PLCXD3: variants seen among roughly 807,000 people sequenced by gnomAD.
PLCXD3 encodes phosphatidylinositol specific phospholipase C X domain containing 3.
A neutral mutation model predicts 25.5 loss-of-function variants in PLCXD3; 19 were observed. The ratio of observed to expected loss-of-function variants is 0.75; its 90% CI spans 0.52 to 1.09. The LOEUF is 1.09. Among genes scored for constraint, PLCXD3 ranks in the 50% least tolerant of loss-of-function variants. PLCXD3 has a pLI of 0.00. For missense variants in PLCXD3, 411 were observed against 388.1 expected (o/e 1.06, Z -0.50); for synonymous variants, 174 against 137.6 (o/e 1.26, Z -1.85).
At chr5:41,374,612 CAG>C (rs144618521) in intron 2 of PLCXD3, among the ~76,000 whole-genome samples, 2 of 151,766 alleles carry the variant, frequency 1.3e-5, no homozygotes, top group South Asian at 2.1e-4. Flanking sequence ...CAGGGAGTGA[CAG>C]AGAGAGAGAG....
At chr5:41,421,264 A>C (rs1396259056) in intron 1 of PLCXD3, among the ~76,000 whole-genome samples, 1 of 152,222 alleles carries the variant, frequency 6.6e-6, no homozygotes, top group Non-Finnish European at 1.5e-5. Context: ...TACATTATTC[A>C]ATCCCTAATT....
intron 1 of PLCXD3, among the ~76,000 whole-genome samples, chr5:41,489,052 T>C (rs1748587486): frequency 6.6e-6 from 1 of 152,232 alleles, no homozygotes; most frequent in African/African-American, 2.4e-5. Flanking sequence ...CTAGGGTTTT[T>C]ATGGTTTTAG....
intron 1 of PLCXD3, among the ~76,000 whole-genome samples, chr5:41,449,231 A>T (rs1747572510): frequency 6.6e-6 from 1 of 152,196 alleles, no homozygotes; most frequent in African/African-American, 2.4e-5. Context: ...TATTACACTC[A>T]CTGATATCCT....
At chr5:41,378,163 A>G (rs79270655) in intron 2 of PLCXD3, among the ~76,000 whole-genome samples, 6,612 of 152,168 alleles carry the variant, frequency 0.043, 186 homozygotes, top group Non-Finnish European at 0.061. Flanking sequence ...GTATTAATAA[A>G]TTGCTTTTGC....
intron 1 of PLCXD3, among the ~76,000 whole-genome samples, chr5:41,502,772 G>A (rs1400026748): frequency 6.6e-6 from 1 of 152,082 alleles, no homozygotes; most frequent in Non-Finnish European, 1.5e-5. Flanking sequence ...CTGAATTGGG[G>A]TTTTCCAGGT....
chr5:41,475,171 C>T (rs1748252907), intron 1 of PLCXD3, among the ~76,000 whole-genome samples: 1 of 152,210 alleles, frequency 6.6e-6, no homozygotes, highest in African/African-American at 2.4e-5. Context: ...CAAAATTATT[C>T]CCCATGTTAC....
intron 1 of PLCXD3, among the ~76,000 whole-genome samples, chr5:41,430,229 T>C (rs967272552): frequency 2.6e-5 from 4 of 152,196 alleles, no homozygotes; most frequent in East Asian, 1.9e-4. Context: ...TCCTAGTATA[T>C]AGAAAATGCT....
intron 2 of PLCXD3, among the ~76,000 whole-genome samples, chr5:41,356,480 A>G (rs1232099882): frequency 6.6e-6 from 1 of 152,108 alleles, no homozygotes; most frequent in African/African-American, 2.4e-5. Flanking sequence ...ATAAATTGTC[A>G]GATGCTGTTA....
intron 1 of PLCXD3, among the ~76,000 whole-genome samples, chr5:41,384,269 C>T (rs1329937698): frequency 6.6e-6 from 1 of 152,020 alleles, no homozygotes; most frequent in Non-Finnish European, 1.5e-5. Context: ...ATTTAAATTG[C>T]TGCATACTGA....
At chr5:41,354,586 T>C (rs1355166657) in intron 2 of PLCXD3, among the ~76,000 whole-genome samples, 1 of 152,190 alleles carries the variant, frequency 6.6e-6, no homozygotes, top group Non-Finnish European at 1.5e-5. Flanking sequence ...GTATCTAAAT[T>C]ACTTGCCACA....
chr5:41,503,125 T>C (rs1748986875), intron 1 of PLCXD3, among the ~76,000 whole-genome samples: 1 of 152,162 alleles, frequency 6.6e-6, no homozygotes, highest in Non-Finnish European at 1.5e-5. Flanking sequence ...AGACATGCAT[T>C]GAAGATAAGT....
In PLCXD3 at chr5:41,401,650, C is replaced by T. The variant is rs562175559; in HGVS notation, c.104-19116G>A. ...TTCTGGTTTTCTCATTCTATTATAA[C>T]GAGACTCTTGATTTTCTAAAAGAGT... On this transcript the variant is annotated intron_variant, in intron 1 of 2. Coordinates refer to ENST00000377801, the MANE Select transcript of PLCXD3 (RefSeq NM_001005473.3). 6.6e-5 allele frequency among the ~76,000 whole-genome samples: 10 copies of T among 152,068 alleles called. No individual in the cohort carries two copies. The East Asian group carries it at 7.7e-4, about 12-fold the overall frequency.
intron 2 of PLCXD3, among the ~76,000 whole-genome samples, chr5:41,360,543 G>A (rs1486252515): frequency 3.3e-5 from 5 of 152,138 alleles, no homozygotes; most frequent in Admixed American, 6.6e-5. Context: ...TTTATCCCAC[G>A]GAGTGCTCCC....
chr5:41,349,350 C>A (rs764270404), intron 2 of PLCXD3, among the ~76,000 whole-genome samples: 1 of 152,186 alleles, frequency 6.6e-6, no homozygotes, highest in African/African-American at 2.4e-5. Flanking sequence ...TCATCATGAT[C>A]ATCAAACAGC....
chr5:41,498,043 G>A (rs945772121), intron 1 of PLCXD3, among the ~76,000 whole-genome samples: 3 of 151,534 alleles, frequency 2.0e-5, no homozygotes, highest in African/African-American at 4.8e-5. Flanking sequence ...ATGAAATGCA[G>A]CAAAAGCAGT....
chr5:41,447,299 G>A (rs1014517420), intron 1 of PLCXD3, among the ~76,000 whole-genome samples: 2 of 152,140 alleles, frequency 1.3e-5, no homozygotes, highest in African/African-American at 4.8e-5. Context: ...AAAAGACTCA[G>A]TGGTAATTGA....
chr5:41,468,968 A>G (rs994852406), intron 1 of PLCXD3, among the ~76,000 whole-genome samples: 1 of 152,184 alleles, frequency 6.6e-6, no homozygotes, highest in Admixed American at 6.5e-5. Context: ...TCTTCGAGGA[A>G]AAGCTTTCAA....
At chr5:41,342,504 G>A (rs1744180284) in intron 2 of PLCXD3, among the ~76,000 whole-genome samples, 1 of 152,164 alleles carries the variant, frequency 6.6e-6, no homozygotes, top group Admixed American at 6.5e-5. Context: ...CCAAAAGGCA[G>A]TTTGATGATT....
chr5:41,490,069 G>T (rs1232657518), intron 1 of PLCXD3, among the ~76,000 whole-genome samples: 1 of 151,984 alleles, frequency 6.6e-6, no homozygotes, highest in South Asian at 2.1e-4. Context: ...TTGGCTGTGG[G>T]TTTGTCATAG....
Sources: gnomAD v4.1 joint callset for allele counts (sites outside exome capture counted in the v4.1 genomes callset) on GRCh38, gnomAD v4.1.1 for gene constraint, MANE v1.5 for transcripts, NCBI Gene and HGNC (gene_info 2026-07-23, HGNC 2026-07-21) for gene names.